LDHB: variants seen among roughly 807,000 people sequenced by gnomAD.
The protein encoded by LDHB is lactate dehydrogenase B, also known as L-lactate dehydrogenase B chain.
Under a neutral mutation model 33.4 loss-of-function variants are expected in LDHB, and 18 were observed. The ratio of observed to expected loss-of-function variants is 0.54; its 90% CI spans 0.37 to 0.80. LDHB has a LOEUF of 0.80. Ranked by LOEUF, LDHB falls within the 30% of genes least tolerant of loss-of-function variation. The pLI, the probability that LDHB is intolerant of heterozygous loss-of-function variation, is 0.00. For missense variants in LDHB, 345 were observed against 407.9 expected, an observed-to-expected ratio of 0.85 and a Z score of 1.33; for synonymous variants, 121 against 140.6, an observed-to-expected ratio of 0.86 and a Z score of 0.98.
At chr12:21,654,456 A>C (rs747418124) in intron 2 of LDHB, 87 bp downstream of exon 2, 2 of 1,288,938 alleles carry the variant, frequency 1.6e-6, no homozygotes, top group Non-Finnish European at 2.2e-6. Context: ...GAAATCTTTT[A>C]AAGATATAAT....
rs532788438 is a variant in LDHB at position 21,636,897 on chromosome 12, T to G, written c.837+174A>C. Among the ~76,000 whole-genome samples the G allele has an allele frequency of 3.3e-5, 5 of 152,290 alleles. No individual in the cohort carries two copies. In the East Asian group the frequency reaches 9.6e-4, roughly 29 times the overall value. ...TGAATGTCTTAGATTCTCTAAGTTT[T>G]CTGCCCTTGCTGTCCAAGACTTCTG... On this transcript the variant is annotated intron_variant, in intron 7 of 7. Coordinates refer to ENST00000350669, the MANE Select transcript of LDHB (RefSeq NM_002300.8).
At chr12:21,643,209 A>G (rs954618122) in intron 4 of LDHB, among the ~76,000 whole-genome samples, 1 of 152,234 alleles carries the variant, frequency 6.6e-6, no homozygotes, top group African/African-American at 2.4e-5. Context: ...GTGTTTCTCT[A>G]TGGGAAGTGT....
At chr12:21,651,406 C>T (rs774998220) in intron 2 of LDHB, among the ~76,000 whole-genome samples, 1 of 152,152 alleles carries the variant, frequency 6.6e-6, no homozygotes, top group African/African-American at 2.4e-5. Flanking sequence ...AAGTAGAAGC[C>T]AAAAATAATC....
intron 2 of LDHB, among the ~76,000 whole-genome samples, chr12:21,653,824 G>C (rs1292508025): frequency 6.6e-6 from 1 of 152,050 alleles, no homozygotes; most frequent in Non-Finnish European, 1.5e-5. Flanking sequence ...AGTTTCAGGG[G>C]CATAACAGAA....
chr12:21,642,057 A>C lies in LDHB; in HGVS notation c.490T>G (p.Cys164Gly). The change falls in exon 5 of 8, where the codon TGT becomes GGT. Residue 164 changes from cysteine (C) to glycine (G), a missense_variant. Transcript: ENST00000350669. The stretch of plus-strand genomic sequence containing the variant: ...CGAAATCTAGCAGAATCCAGATTAC[A>C]TCCACTTCCAATCACGCGGTGTTTG... ...LPKHRVIGSG[C>G]NLDSARFRYL... The C allele has an allele frequency of 6.2e-7, 1 of 1,613,574 alleles. No homozygotes were observed.
At chr12:21,656,358 A>C (rs1938844939) in intron 1 of LDHB, among the ~76,000 whole-genome samples, 1 of 152,224 alleles carries the variant, frequency 6.6e-6, no homozygotes, top group African/African-American at 2.4e-5. Context: ...AAGTGCCTCC[A>C]CAAATAGATG....
rs916183065 is a variant in LDHB, at chr12:21,643,807, A to G, written c.421+128T>C. On this transcript the variant is annotated intron_variant, in intron 4 of 7. Coordinates refer to ENST00000350669, the MANE Select transcript of LDHB (RefSeq NM_002300.8). The stretch of plus-strand genomic sequence containing the variant: ...TTTGCAAACACCACTATTTAGGGCC[A>G]ATGAAAGAAGACATGTAAACTGCTT... 16 of 747,466 alleles carry G rather than the reference A, an allele frequency of 2.1e-5. 1 individual carries two copies. The Admixed American group carries it at 3.2e-4, about 15-fold the overall frequency. The allele number at this position is 747,466 out of a possible 1,614,324, so 46.3% of individuals were successfully genotyped here.
rs538685000 is a variant in LDHB, at chr12:21,654,987, G to A, written c.-6-310C>T. ...AAAAAGAAAATTAGCTGGGCATGGT[G>A]GTGCAAGCCTGTAGTCCTAACTACT... On this transcript the variant is annotated intron_variant, in intron 1 of 7. Transcript: ENST00000350669. Among the ~76,000 whole-genome samples, 28 of 152,244 alleles carry A rather than the reference G, an allele frequency of 1.8e-4. No homozygotes were observed. The East Asian group carries it at 3.3e-3, about 18-fold the overall frequency.
At position 21,652,876 on chromosome 12, in the gene LDHB, T is replaced by C. The variant is rs1350149825; in HGVS notation, c.129+1667A>G. Among the ~76,000 whole-genome samples, 31 of 152,238 alleles carry C rather than the reference T, an allele frequency of 2.0e-4. 1 individual carries two copies. On this transcript the variant is annotated intron_variant, in intron 2 of 7. Transcript: ENST00000350669. ...GGTGTGCACTACGTTTTTTAGTTTATTTTTTTGATAACTGTTTCTTAGTAA... is the reference window on the plus strand; with the variant it reads ...GGTGTGCACTACGTTTTTTAGTTTACTTTTTTGATAACTGTTTCTTAGTAA...
chr12:21,635,528 C>T lies in LDHB; in HGVS notation c.*14G>A. On this transcript the variant is annotated 3_prime_UTR_variant, in exon 8 of 8. Transcript: ENST00000350669. The stretch of plus-strand genomic sequence containing the variant: ...ATTGTAGTTTTTAAATTTCTACAGC[C>T]TAGAGCTCACTAGTCACAGGTCTTT... 1 of 1,606,758 alleles carries T rather than the reference C, an allele frequency of 6.2e-7. No homozygotes were observed. Among genetic ancestry groups the T allele is most frequent in the Non-Finnish European group, 8.5e-7 (1 of 1,175,194 alleles).
chr12:21,653,102 G>T (rs1174357267), intron 2 of LDHB, among the ~76,000 whole-genome samples: 1 of 152,078 alleles, frequency 6.6e-6, no homozygotes, highest in African/African-American at 2.4e-5. Context: ...ATAAGAAAAG[G>T]GCTTCTTTCC....
At position 21,643,979 on chromosome 12, in the gene LDHB, ACG is replaced by A. The variant is rs1360077806; in HGVS notation, c.375_376del (p.Val126GlnfsTer5). 5.0e-6 allele frequency: 8 copies of A among 1,613,250 alleles called. No individual in the cohort carries two copies. Among genetic ancestry groups the A allele is most frequent in the Non-Finnish European group, 6.8e-6 (8 of 1,179,202 alleles). On this transcript the variant is annotated frameshift_variant, in exon 4 of 8. Transcript: ENST00000350669. LOFTEE classifies it high-confidence loss of function. ...TATGATGCAATCAGGACTGTACTTGACGATCTGAGGAATAATGAATTTGAAGA... is the reference window on the plus strand; with the variant it reads ...TATGATGCAATCAGGACTGTACTTGAATCTGAGGAATAATGAATTTGAAGA...
chr12:21,644,068 A>C lies in LDHB; in HGVS notation c.288T>G (p.Thr96=), dbSNP rs201280606. The C allele has an allele frequency of 4.3e-6, 7 of 1,613,610 alleles. No homozygotes were observed. The African/African-American group carries it at 6.7e-5, about 15-fold the overall frequency. The change falls in exon 4 of 8, where the codon ACT becomes ACG. Residue 96 remains threonine (T), a synonymous_variant. Transcript: ENST00000350669. ...VTANSKIVVV[T]AGVRQQEGES... ...CCCCTTCTTGCTGACGGACTCCTGC[A>C]GTTACCACTACAATCTTAGAATTGG...
intron 3 of LDHB, among the ~76,000 whole-genome samples, chr12:21,645,038 C>A (rs1283359444): frequency 4.6e-5 from 7 of 152,104 alleles, no homozygotes; most frequent in Admixed American, 2.6e-4. Flanking sequence ...AAGAAAAATT[C>A]TTCTGCCTTG....
rs118203895 is a variant in LDHB, at chr12:21,642,032, C to T, written c.515G>A (p.Arg172His). The T allele has an allele frequency of 9.3e-6, 15 of 1,613,180 alleles. No individual in the cohort carries two copies. The highest frequency in any genetic ancestry group is 1.2e-5 in the Non-Finnish European group (14 of 1,179,604). The change falls in exon 5 of 8, where the codon CGC becomes CAC. Residue 172 changes from arginine (R) to histidine (H), a missense_variant. Arg to His is a conservative substitution (Grantham distance 29). Coordinates refer to ENST00000350669, the MANE Select transcript of LDHB (RefSeq NM_002300.8). ...SGCNLDSARF[R>H]YLMAEKLGIH... ...GCCAAGTTTTTCAGCCATAAGGTAG[C>T]GAAATCTAGCAGAATCCAGATTACA...
At chr12:21,653,305 A>G (rs1348415566) in intron 2 of LDHB, among the ~76,000 whole-genome samples, 3 of 152,182 alleles carry the variant, frequency 2.0e-5, no homozygotes, top group Admixed American at 2.0e-4. Flanking sequence ...TATTCTTAGG[A>G]AACGTACTCT....
rs148556859 is a variant in LDHB at position 21,655,944 on chromosome 12, A to C, written c.-6-1267T>G. Among the ~76,000 whole-genome samples the C allele has an allele frequency of 1.7e-3, 256 of 152,322 alleles. 2 individuals carry two copies. Among genetic ancestry groups the C allele is most frequent in the African/African-American group, 6.0e-3 (248 of 41,572 alleles). ...GAACAGAGAATACAGATGGCAAATA[A>C]GCCTTTTCTTCACAATTATTACTTA... On this transcript the variant is annotated intron_variant, in intron 1 of 7. Transcript: ENST00000350669.
At chr12:21,648,889 A>G (rs1047272374) in intron 2 of LDHB, among the ~76,000 whole-genome samples, 2 of 152,210 alleles carry the variant, frequency 1.3e-5, no homozygotes, top group African/African-American at 4.8e-5. Context: ...CAGATTTTTG[A>G]AATGATCATT....
intron 6 of LDHB, chr12:21,637,420 AGTTTATTGTATAAGTT>A (rs1353183239): frequency 7.2e-6 from 3 of 416,854 alleles, no homozygotes; most frequent in Non-Finnish European, 1.3e-5. Context: ...TGATAACTTT[AGTTTATTGTATAAGTT>A]AAGATTTATA....
Sources: gnomAD v4.1 joint callset for allele counts (sites outside exome capture counted in the v4.1 genomes callset) on GRCh38, gnomAD v4.1.1 for gene constraint, MANE v1.5 for transcripts, NCBI Gene and HGNC (gene_info 2026-07-23, HGNC 2026-07-21) for gene names.